The following MAPK8IP3 variants were observed in gnomAD, a reference collection of about 807,000 sequenced individuals.
The protein encoded by MAPK8IP3 is C-Jun-amino-terminal kinase-interacting protein 3.
MAPK8IP3 carries 49 observed loss-of-function variants against 157.8 expected under a neutral mutation model. That is an observed-to-expected ratio of 0.31 (90% confidence interval 0.25 to 0.39). The LOEUF (loss-of-function observed/expected upper bound fraction) is 0.39, where lower values mean the gene tolerates loss of function less well. MAPK8IP3 is among the 10% of genes least tolerant of loss of function. The pLI, the probability that MAPK8IP3 is intolerant of heterozygous loss-of-function variation, is 1.00. For missense variants in MAPK8IP3, 1,478 were observed against 1,889.4 expected (o/e 0.78, Z 4.04); for synonymous variants, 897 against 777.7 (o/e 1.15, Z -2.55).
intron 4 of MAPK8IP3, among the ~76,000 whole-genome samples, chr16:1,738,477 TC>T (rs1424951362): frequency 3.8e-5 from 4 of 105,346 alleles, no homozygotes; most frequent in Non-Finnish European, 7.3e-5. Flanking sequence ...CGTGTGAGCA[TC>T]CGTGTGAGCG....
chr16:1,752,894 T>A (rs1440273563), intron 8 of MAPK8IP3, among the ~76,000 whole-genome samples: 1 of 152,160 alleles, frequency 6.6e-6, no homozygotes, highest in Non-Finnish European at 1.5e-5. Context: ...ACAAATGAGC[T>A]GGGACCTGCG....
chr16:1,724,512 ACACTCACTCCT>A lies in MAPK8IP3; in HGVS notation c.319-44_319-34del. 1 of 1,598,358 alleles carries A rather than the reference ACACTCACTCCT, an allele frequency of 6.3e-7. No homozygotes were observed. The highest frequency in any genetic ancestry group is 8.5e-7 in the Non-Finnish European group (1 of 1,170,840). On this transcript the variant is annotated intron_variant, in intron 1 of 31. Transcript: ENST00000610761. The surrounding 1 kb of genome is among the most constrained non-coding windows in gnomAD (Gnocchi z 4.1). ...CCTTCAAGTGAAAGGCGGCTGCTCC[ACACTCACTCCT>A]GATGACTGCTCTTTCCCTCCCTTCC... is the stretch of plus-strand genomic sequence containing the variant.
chr16:1,766,198 A>C, intron 21 of MAPK8IP3, 22 bp from the exon 22 acceptor site: 2 of 1,604,070 alleles, frequency 1.2e-6, no homozygotes, highest in East Asian at 2.2e-5. Flanking sequence ...TGCCCAGCCC[A>C]AGCTCACCTC....
chr16:1,706,676 C>G lies in MAPK8IP3; in HGVS notation c.318+19C>G. 1 of 1,519,104 alleles carries G rather than the reference C, an allele frequency of 6.6e-7. No homozygotes were observed. Among genetic ancestry groups the G allele is most frequent in the Non-Finnish European group, 8.8e-7 (1 of 1,133,856 alleles). The allele number at this position is 1,519,104 out of a possible 1,614,324, so 94.1% of individuals were successfully genotyped here. The stretch of plus-strand genomic sequence containing the variant: ...GGAGGAGGTGCGTGGGCCGCGGGAC[C>G]CGCCCGCATCCCCGTCCCGGACCCC... On this transcript the variant is annotated intron_variant, in intron 1 of 31. Coordinates refer to ENST00000610761, the MANE Select transcript of MAPK8IP3 (RefSeq NM_001318852.2). This position sits in a 1 kb window ranked among gnomAD's most constrained non-coding sequence, Gnocchi z 5.1.
intron 1 of MAPK8IP3, among the ~76,000 whole-genome samples, chr16:1,720,592 C>T (rs1289397199): frequency 6.6e-6 from 1 of 152,194 alleles, no homozygotes; most frequent in Non-Finnish European, 1.5e-5. Context: ...GCACGTCACA[C>T]AATTTTAACC....
In MAPK8IP3 at chr16:1,767,864, C is replaced by T. The variant is rs367758687; in HGVS notation, c.3469C>T (p.Arg1157Trp). ...RITALLVAGS[R>W]LWVGTGNGVV... is the part of the protein sequence containing the mutation. ...CACGGCCCTGCTTGTCGCGGGCAGC[C>T]GGCTCTGGGTGGGCACCGGCAACGG... is the stretch of plus-strand genomic sequence containing the variant. The change falls in exon 28 of 32, where the codon CGG (arginine) becomes TGG (tryptophan). Residue 1157 changes from arginine to tryptophan, a missense_variant. Transcript: ENST00000610761. 2 of 1,611,318 alleles carry T rather than the reference C, an allele frequency of 1.2e-6. No homozygotes were observed. The highest frequency in any genetic ancestry group is 1.7e-6 in the Non-Finnish European group (2 of 1,179,944).
intron 4 of MAPK8IP3, among the ~76,000 whole-genome samples, chr16:1,740,642 T>C (rs573597737): frequency 1.3e-4 from 20 of 152,196 alleles, no homozygotes; most frequent in Non-Finnish European, 2.6e-4. Context: ...CTCCTTGTCT[T>C]GCCCTCTGTG....
rs1266858816 is a variant in MAPK8IP3 at position 1,762,596 on chromosome 16, T to G, written c.1671-79T>G. The G allele has an allele frequency of 7.7e-6, 12 of 1,549,450 alleles. No individual in the cohort carries two copies. In the Admixed American group the frequency reaches 2.3e-4, roughly 29 times the overall value. On this transcript the variant is annotated intron_variant, in intron 14 of 31. Coordinates refer to ENST00000610761, the MANE Select transcript of MAPK8IP3 (RefSeq NM_001318852.2). ...GGGGGACTGAAGTGCGCTGGGTGCTTCCTGGCGGGAGCCAGAGAGTCGCAG... is the reference window on the plus strand; with the variant it reads ...GGGGGACTGAAGTGCGCTGGGTGCTGCCTGGCGGGAGCCAGAGAGTCGCAG...
chr16:1,717,288 A>C (rs1279746759), intron 1 of MAPK8IP3, among the ~76,000 whole-genome samples: 1 of 152,074 alleles, frequency 6.6e-6, no homozygotes, highest in Non-Finnish European at 1.5e-5. Context: ...GCAAATTCTG[A>C]AAACATAAGT....
Position 1,714,068 on chromosome 16 carries a change from G to A in MAPK8IP3, c.318+7411G>A, listed in dbSNP as rs374249137. On this transcript the variant is annotated intron_variant, in intron 1 of 31. Transcript: ENST00000610761. ...TTTGCATAATGGCCTCCTGCAGTGC[G>A]TACGTGGTTTCCTCTGACATCTTCC... 1.1e-3 allele frequency: 166 copies of A among 152,332 alleles called. 1 individual carries two copies. The highest frequency in any genetic ancestry group is 1.7e-3 in the East Asian group (9 of 5,178). 9.4% of individuals were successfully genotyped at this position (152,332 alleles called of 1,614,324 possible).
At chr16:1,762,183 G>T (rs1325962056) in intron 13 of MAPK8IP3, among the ~76,000 whole-genome samples, 168 bp from the exon 14 acceptor site, 1 of 152,234 alleles carries the variant, frequency 6.6e-6, no homozygotes, top group Non-Finnish European at 1.5e-5. Flanking sequence ...CATGCCTTTT[G>T]TATGGTTCCC....
At position 1,770,247 on chromosome 16, in the gene MAPK8IP3, C is replaced by T. The variant is rs867435046; in HGVS notation, c.*1423C>T. Reference sequence around the variant, plus strand: ...GGCGGCTGGGGGAGGGGTGACGATTCTCCTCAGGCTTTGGCCCTGCAAGCA... The same window carrying T: ...GGCGGCTGGGGGAGGGGTGACGATTTTCCTCAGGCTTTGGCCCTGCAAGCA... On this transcript the variant is annotated 3_prime_UTR_variant, in exon 32 of 32. Coordinates refer to ENST00000610761, the MANE Select transcript of MAPK8IP3 (RefSeq NM_001318852.2). 43 of 168,342 alleles carry T rather than the reference C, an allele frequency of 2.6e-4. No homozygotes were observed. The highest frequency in any genetic ancestry group is 1.1e-3 in the South Asian group (6 of 5,230). The allele number at this position is 168,342 out of a possible 1,614,324, so 10.4% of individuals were successfully genotyped here. A position where few individuals can be genotyped will look rare whatever the true frequency, so the allele number is the denominator to read the frequency against.
intron 31 of MAPK8IP3, 32 bp from the exon 32 acceptor site, chr16:1,768,671 G>A (rs1279483574): frequency 1.9e-6 from 3 of 1,611,226 alleles, no homozygotes; most frequent in Admixed American, 1.7e-5. Flanking sequence ...CGCGGGGGGA[G>A]CCTGGCCGTC....
chr16:1,706,361 G>A lies in MAPK8IP3; in HGVS notation c.22G>A (p.Glu8Lys). ...CGCGATGATGGAGATCCAGATGGACGAGGGCGGCGGCGTGGTGGTGTACCA... is the reference window on the plus strand; with the variant it reads ...CGCGATGATGGAGATCCAGATGGACAAGGGCGGCGGCGTGGTGGTGTACCA... MMEIQMDEGGGVVVYQDD... is the reference protein window; with the variant it reads MMEIQMDKGGGVVVYQDD... The change falls in exon 1 of 32, where the codon GAG (glutamate) becomes AAG (lysine). Residue 8 changes from glutamate (E) to lysine (K), a missense_variant. Glu to Lys is a moderately conservative substitution (Grantham distance 56). Around this residue, in one of 11 missense-constraint regions of MAPK8IP3, gnomAD observed 29 missense variants for 29.8 expected, o/e 0.97. Coordinates refer to ENST00000610761, the MANE Select transcript of MAPK8IP3 (RefSeq NM_001318852.2). This position sits in a 1 kb window ranked among gnomAD's most constrained non-coding sequence, Gnocchi z 5.1. 6.2e-7 allele frequency: 1 copy of A among 1,600,604 alleles called. No individual in the cohort carries two copies. The highest frequency in any genetic ancestry group is 8.5e-7 in the Non-Finnish European group (1 of 1,174,372).
chr16:1,717,194 C>T (rs541004795), intron 1 of MAPK8IP3, among the ~76,000 whole-genome samples: 5 of 150,268 alleles, frequency 3.3e-5, no homozygotes, highest in African/African-American at 1.2e-4. Context: ...CAAGATCGTG[C>T]CACTGCATTC....
intron 8 of MAPK8IP3, among the ~76,000 whole-genome samples, chr16:1,756,412 G>T (rs1331777658): frequency 1.3e-5 from 2 of 152,076 alleles, no homozygotes; most frequent in African/African-American, 4.8e-5. Context: ...AGGCTGATGG[G>T]GAGGATTGCT....
chr16:1,761,092 G>A, intron 12 of MAPK8IP3, 132 bp from the exon 13 acceptor site: 1 of 712,460 alleles, frequency 1.4e-6, no homozygotes, highest in Non-Finnish European at 2.5e-6. Flanking sequence ...GCTGCTGAAG[G>A]GGTCCCTGTG....
chr16:1,762,808 A>G (rs767540964), intron 15 of MAPK8IP3, 28 bp from the exon 16 acceptor site: 1 of 1,599,764 alleles, frequency 6.3e-7, no homozygotes, highest in Admixed American at 1.7e-5. Context: ...TCCTCTGCCC[A>G]CCCCTCACCT....
rs1372376151 is a variant in MAPK8IP3 at position 1,742,182 on chromosome 16, G to A, written c.603-1150G>A. Among the ~76,000 whole-genome samples the A allele has an allele frequency of 2.6e-5, 4 of 152,204 alleles. No homozygotes were observed. Among genetic ancestry groups the A allele is most frequent in the African/African-American group, 4.8e-5 (2 of 41,446 alleles). On this transcript the variant is annotated intron_variant, in intron 4 of 31. Coordinates refer to ENST00000610761, the MANE Select transcript of MAPK8IP3 (RefSeq NM_001318852.2). This position sits in a 1 kb window ranked among gnomAD's most constrained non-coding sequence, Gnocchi z 5.0. ...TGGCCTGCCCCCCAGACCTGAGGAG[G>A]TGAGGAGCCAGCCTGGCCTCTGGGA... is the stretch of plus-strand genomic sequence containing the variant.
Sources: allele counts gnomAD v4.1 joint callset (sites outside exome capture counted in the v4.1 genomes callset), GRCh38; gene constraint gnomAD v4.1.1; regional missense constraint gnomAD v4.1.1; non-coding constraint Gnocchi (gnomAD v3.1); transcripts MANE v1.5; gene names NCBI Gene and HGNC (gene_info 2026-07-23, HGNC 2026-07-21).